The following DLC1 variants were observed in gnomAD, a reference collection of about 807,000 sequenced individuals.
The protein encoded by DLC1 is DLC1 Rho GTPase activating protein.
DLC1 carries 54 observed loss-of-function variants against 140.3 expected under a neutral mutation model. The observed-to-expected ratio is 0.38, with a 90% CI of 0.31 to 0.48. DLC1 has a LOEUF of 0.48. Among genes scored for constraint, DLC1 ranks in the 20% least tolerant of loss-of-function variants. The pLI is 0.96. For synonymous variants in DLC1, 986 were observed against 728.1 expected, an observed-to-expected ratio of 1.35 and a Z score of -5.70; for missense variants, 2,536 against 1,907.0, an observed-to-expected ratio of 1.33 and a Z score of -6.14.
chr8:13,302,212 G>T (rs1304187503), intron 5 of DLC1, among the ~76,000 whole-genome samples: 3 of 152,218 alleles, frequency 2.0e-5, no homozygotes, highest in African/African-American at 7.2e-5. Flanking sequence ...TCTCAATTGA[G>T]AAGAGGAGAA....
intron 5 of DLC1, among the ~76,000 whole-genome samples, chr8:13,128,627 T>G (rs1172845063): frequency 6.6e-6 from 1 of 152,122 alleles, no homozygotes; most frequent in Non-Finnish European, 1.5e-5. Context: ...GGTCAGGAGA[T>G]CCAGACCATC....
At chr8:13,199,252 A>T (rs1437729236) in intron 5 of DLC1, among the ~76,000 whole-genome samples, 1 of 138,100 alleles carries the variant, frequency 7.2e-6, no homozygotes, top group Non-Finnish European at 1.5e-5. Flanking sequence ...TGGTGCAATC[A>T]TAGCTCACTG....
intron 4 of DLC1, among the ~76,000 whole-genome samples, chr8:13,327,215 C>T (rs966105566): frequency 3.1e-4 from 46 of 147,758 alleles, no homozygotes; most frequent in African/African-American, 8.7e-4. Flanking sequence ...CCTCATGATC[C>T]GCCCGCCTTG....
intron 1 of DLC1, among the ~76,000 whole-genome samples, chr8:13,534,985 T>A (rs149872027): frequency 1.3e-5 from 2 of 152,118 alleles, no homozygotes; most frequent in Admixed American, 6.5e-5. Context: ...TATAGGAGAA[T>A]CCTTATCTCT....
chr8:13,352,219 C>G (rs1370584829), intron 4 of DLC1, among the ~76,000 whole-genome samples: 3 of 152,214 alleles, frequency 2.0e-5, no homozygotes, highest in African/African-American at 7.2e-5. Context: ...TCCGAACACA[C>G]GCACGGCCCT....
At chr8:13,313,774 T>G (rs982058732) in intron 4 of DLC1, among the ~76,000 whole-genome samples, 1 of 152,236 alleles carries the variant, frequency 6.6e-6, no homozygotes, top group Admixed American at 6.5e-5. Context: ...TTCTGTGAGA[T>G]TTTGAAAAAC....
At chr8:13,429,565 G>C (rs1261467212) in intron 2 of DLC1, among the ~76,000 whole-genome samples, 1 of 152,178 alleles carries the variant, frequency 6.6e-6, no homozygotes, top group African/African-American at 2.4e-5. Context: ...CAGCAAGTTT[G>C]GCATTGAGCT....
intron 1 of DLC1, among the ~76,000 whole-genome samples, chr8:13,539,173 T>TTGTGTGTA (rs5889450): frequency 0.14 from 14,911 of 110,278 alleles, 1,025 homozygotes; most frequent in Non-Finnish European, 0.18. Context: ...GATCTGCAAA[T>TTGTGTGTA]TGTATGTATG....
At chr8:13,538,697 A>G (rs1182910951) in intron 1 of DLC1, among the ~76,000 whole-genome samples, 1 of 152,224 alleles carries the variant, frequency 6.6e-6, no homozygotes, top group Admixed American at 6.5e-5. Flanking sequence ...ATGGAGAAAC[A>G]GATGGACTTA....
At chr8:13,127,744 C>T (rs1821708455) in intron 5 of DLC1, among the ~76,000 whole-genome samples, 1 of 152,190 alleles carries the variant, frequency 6.6e-6, no homozygotes, top group Non-Finnish European at 1.5e-5. Flanking sequence ...AACTTTTGTC[C>T]CTTAAACATC....
At chr8:13,441,568 GACAA>G (rs1203142971) in intron 2 of DLC1, among the ~76,000 whole-genome samples, 3 of 152,056 alleles carry the variant, frequency 2.0e-5, no homozygotes, top group Middle Eastern at 3.4e-3. Context: ...ACCAATAACA[GACAA>G]ACAGAGAGCC....
chr8:13,422,462 A>G (rs1167948380), intron 2 of DLC1, among the ~76,000 whole-genome samples: 1 of 151,906 alleles, frequency 6.6e-6, no homozygotes, highest in African/African-American at 2.4e-5. Context: ...TTAATAAATG[A>G]TTGGCTTCCT....
At chr8:13,472,831 A>G (rs1380510107) in intron 2 of DLC1, among the ~76,000 whole-genome samples, 3 of 152,260 alleles carry the variant, frequency 2.0e-5, no homozygotes, top group Admixed American at 6.5e-5. Context: ...GTGTAAGTAT[A>G]TAGCCATTAT....
intron 1 of DLC1, among the ~76,000 whole-genome samples, chr8:13,574,941 AAAG>A (rs2117424139): frequency 6.6e-6 from 1 of 152,336 alleles, no homozygotes; most frequent in African/African-American, 2.4e-5. Context: ...AACAGGTTGA[AAAG>A]AAGTAGGGAT....
At position 13,312,386 on chromosome 8, in the gene DLC1, A is replaced by AAAAAAAATAATAAT. The variant is rs71207139; in HGVS notation, c.1315-7085_1315-7084insATTATTATTTTTTT. Among the ~76,000 whole-genome samples the AAAAAAAATAATAAT allele has an allele frequency of 2.4e-3, 199 of 81,692 alleles. 1 individual carries two copies. Among genetic ancestry groups the AAAAAAAATAATAAT allele is most frequent in the Non-Finnish European group, 3.0e-3 (120 of 39,900 alleles). The allele number at this position is 81,692 out of a possible 152,430, so 53.6% of individuals were successfully genotyped here. A position where few individuals can be genotyped will look rare whatever the true frequency, so the allele number is the denominator to read the frequency against. On this transcript the variant is annotated intron_variant, in intron 4 of 17. Coordinates refer to ENST00000276297, the MANE Select transcript of DLC1 (RefSeq NM_182643.3). ...AAAAAAAAAAAAAAAAAAAAAAAAA[A>AAAAAAAATAATAAT]AATAATTTCTTTAGCAAGCTAGATA...
intron 1 of DLC1, among the ~76,000 whole-genome samples, chr8:13,540,893 C>T (rs903753671): frequency 2.0e-5 from 3 of 152,210 alleles, no homozygotes; most frequent in African/African-American, 4.8e-5. Flanking sequence ...TAGCAAAATT[C>T]GTGCTACTAG....
chr8:13,304,617 A>G (rs55850031), intron 5 of DLC1: 79,615 of 869,876 alleles, frequency 0.092, 3,845 homozygotes, highest in Non-Finnish European at 0.096. Context: ...TTCAAGTTAG[A>G]TAATATACCT....
intron 5 of DLC1, among the ~76,000 whole-genome samples, chr8:13,165,431 T>C (rs1039779620): frequency 6.6e-6 from 1 of 152,214 alleles, no homozygotes; most frequent in Non-Finnish European, 1.5e-5. Flanking sequence ...AGCAGCAATA[T>C]TGTTGCATTG....
At chr8:13,132,105 C>G (rs1417185029) in intron 5 of DLC1, among the ~76,000 whole-genome samples, 1 of 152,082 alleles carries the variant, frequency 6.6e-6, no homozygotes, top group Admixed American at 6.5e-5. Flanking sequence ...CCCAGGAACT[C>G]GCTCCTCGGC....
Sources: allele counts gnomAD v4.1 joint callset (sites outside exome capture counted in the v4.1 genomes callset), GRCh38; gene constraint gnomAD v4.1.1; transcripts MANE v1.5; gene names NCBI Gene and HGNC (gene_info 2026-07-23, HGNC 2026-07-21).